The following PTPRT variants were observed in gnomAD, a reference collection of about 807,000 sequenced individuals.
The protein encoded by PTPRT is receptor-type tyrosine-protein phosphatase T.
A neutral mutation model predicts 176.8 loss-of-function variants in PTPRT; 56 were observed. That is an observed-to-expected ratio of 0.32 (90% CI 0.26 to 0.40). PTPRT has a LOEUF of 0.40. Among genes scored for constraint, PTPRT ranks in the 10% least tolerant of loss-of-function variants. The probability of loss-of-function intolerance (pLI) is 1.00; values close to 1 mark genes in which losing one functional copy is unlikely to be tolerated. For synonymous variants in PTPRT, 783 were observed against 739.0 expected (o/e 1.06, Z -0.96); for missense variants, 1,540 against 1,908.2 (o/e 0.81, Z 3.60).
intron 7 of PTPRT, 141 bp downstream of exon 7, chr20:42,677,725 G>T: frequency 1.0e-6 from 1 of 991,822 alleles, no homozygotes; most frequent in Non-Finnish European, 1.5e-6. Context: ...CCAAGGCCTT[G>T]ATCCTGTTTA....
chr20:42,148,634 C>A (rs1988987100), intron 17 of PTPRT, among the ~76,000 whole-genome samples: 1 of 152,130 alleles, frequency 6.6e-6, no homozygotes, highest in Non-Finnish European at 1.5e-5. Flanking sequence ...TGGGAGCTGA[C>A]CTGGCACTCA....
intron 2 of PTPRT, among the ~76,000 whole-genome samples, chr20:42,798,107 C>T (rs554579533): frequency 1.3e-5 from 2 of 152,274 alleles, no homozygotes; most frequent in South Asian, 4.1e-4. Context: ...AGGCTTTTGC[C>T]CAGGTGATAC....
intron 1 of PTPRT, among the ~76,000 whole-genome samples, chr20:43,170,629 A>G (rs1040793255): frequency 6.6e-6 from 1 of 152,192 alleles, no homozygotes; most frequent in Non-Finnish European, 1.5e-5. Context: ...ACTATCCCTC[A>G]CCAGGTATTT....
At chr20:43,132,327 T>G (rs2013670057) in intron 1 of PTPRT, among the ~76,000 whole-genome samples, 1 of 152,192 alleles carries the variant, frequency 6.6e-6, no homozygotes, top group Non-Finnish European at 1.5e-5. Flanking sequence ...ATCAATTGCT[T>G]TTTAAGCCAA....
At chr20:42,974,654 A>G (rs1332860242) in intron 1 of PTPRT, among the ~76,000 whole-genome samples, 1 of 152,174 alleles carries the variant, frequency 6.6e-6, no homozygotes, top group African/African-American at 2.4e-5. Flanking sequence ...TGGGTGAACA[A>G]CTCCAGAAAA....
At chr20:42,782,083 C>T (rs929433275) in intron 3 of PTPRT, among the ~76,000 whole-genome samples, 1 of 152,230 alleles carries the variant, frequency 6.6e-6, no homozygotes, top group Non-Finnish European at 1.5e-5. Context: ...ATTATCACAA[C>T]TTGACCATTC....
chr20:42,477,379 AT>A (rs2071308829), intron 7 of PTPRT, among the ~76,000 whole-genome samples: 1 of 150,044 alleles, frequency 6.7e-6, no homozygotes, highest in Non-Finnish European at 1.5e-5. Flanking sequence ...TTTAAGGGTA[AT>A]ATATATATAT....
intron 9 of PTPRT, among the ~76,000 whole-genome samples, chr20:42,402,695 T>C (rs759108028): frequency 2.0e-5 from 3 of 151,922 alleles, no homozygotes; most frequent in Admixed American, 1.3e-4. Flanking sequence ...GCGATAATAA[T>C]GCTTGGTGTG....
intron 16 of PTPRT, among the ~76,000 whole-genome samples, chr20:42,194,212 C>A (rs759061203): frequency 6.6e-6 from 1 of 152,230 alleles, no homozygotes; most frequent in Admixed American, 6.5e-5. Context: ...AACTACCTCT[C>A]TCCCCAGACC....
chr20:43,041,375 G>T (rs1986598256), intron 1 of PTPRT, among the ~76,000 whole-genome samples: 2 of 152,162 alleles, frequency 1.3e-5, no homozygotes, highest in Non-Finnish European at 2.9e-5. Flanking sequence ...TTTAGCATTG[G>T]CTTTTTAAAA....
chr20:42,522,396 A>T (rs1431522564), intron 7 of PTPRT, among the ~76,000 whole-genome samples: 1 of 151,856 alleles, frequency 6.6e-6, no homozygotes, highest in African/African-American at 2.4e-5. Flanking sequence ...GCTTTCTGAA[A>T]TAGTTCTCAT....
At chr20:42,993,102 G>A (rs1476236650) in intron 1 of PTPRT, among the ~76,000 whole-genome samples, 12 of 152,006 alleles carry the variant, frequency 7.9e-5, no homozygotes, top group South Asian at 2.1e-4. Context: ...ACGAGCTTCC[G>A]GAAAAGCACA....
At chr20:42,315,082 A>T in intron 12 of PTPRT, among the ~76,000 whole-genome samples, 1 of 149,396 alleles carries the variant, frequency 6.7e-6, no homozygotes, top group Non-Finnish European at 1.5e-5. Context: ...TGACACAAAA[A>T]TGGTTACCTT....
At chr20:42,881,724 C>CAAAAAAA (rs112191705) in intron 2 of PTPRT, among the ~76,000 whole-genome samples, 1 of 36,702 alleles carries the variant, frequency 2.7e-5, no homozygotes, top group Non-Finnish European at 7.2e-5. Flanking sequence ...CACTCTGTCT[C>CAAAAAAA]AAAAAAAAAA....
intron 1 of PTPRT, among the ~76,000 whole-genome samples, chr20:43,101,303 C>A (rs753813201): frequency 6.6e-6 from 1 of 152,102 alleles, no homozygotes; most frequent in Non-Finnish European, 1.5e-5. Context: ...ACCACAATAG[C>A]AAGCTCTTGA....
At chr20:42,811,437 G>A (rs1162554518) in intron 2 of PTPRT, among the ~76,000 whole-genome samples, 1 of 151,898 alleles carries the variant, frequency 6.6e-6, no homozygotes, top group Admixed American at 6.6e-5. Flanking sequence ...AGAAGAAAAA[G>A]AAATTAAAAC....
intron 7 of PTPRT, among the ~76,000 whole-genome samples, chr20:42,626,924 C>T (rs555399534): frequency 6.6e-6 from 1 of 152,320 alleles, no homozygotes; most frequent in East Asian, 1.9e-4. Flanking sequence ...ATGAGAATTC[C>T]CTGGATGAGA....
At position 42,780,275 on chromosome 20, in the gene PTPRT, T is replaced by C; in HGVS notation, c.511A>G (p.Lys171Glu). The change falls in exon 4 of 31, where the codon AAG (lysine) becomes GAG (glutamate). Residue 171 changes from lysine to glutamate, a missense_variant. Transcript: ENST00000373187. ...YQVIFESVSL[K>E]GHPGYIAVDE... ...ACGGCGATGTAGCCAGGATGACCCT[T>C]CAATGAGACGGATTCAAATATCACC... 6.2e-7 allele frequency: 1 copy of C among 1,613,986 alleles called. No individual in the cohort carries two copies. The highest frequency in any genetic ancestry group is 8.5e-7 in the Non-Finnish European group (1 of 1,179,930).
intron 1 of PTPRT, among the ~76,000 whole-genome samples, chr20:43,133,639 C>T (rs1481640579): frequency 6.6e-6 from 1 of 151,634 alleles, no homozygotes; most frequent in Non-Finnish European, 1.5e-5. Context: ...TCCCAGCTAC[C>T]CGGGAGGCTG....
Sources: allele counts gnomAD v4.1 joint callset (sites outside exome capture counted in the v4.1 genomes callset), GRCh38; gene constraint gnomAD v4.1.1; transcripts MANE v1.5; gene names NCBI Gene and HGNC (gene_info 2026-07-23, HGNC 2026-07-21).